COL7A1: variants seen among roughly 807,000 people sequenced by gnomAD.
COL7A1 encodes the protein collagen alpha-1(VII) chain.
Under a neutral mutation model 456.2 loss-of-function variants are expected in COL7A1, and 296 were observed. The observed-to-expected ratio is 0.65, with a 90% CI of 0.59 to 0.71. The LOEUF (loss-of-function observed/expected upper bound fraction) is 0.71, where lower values mean the gene tolerates loss of function less well. COL7A1 is among the 30% of genes least tolerant of loss of function. COL7A1 has a pLI of 0.00. For missense variants in COL7A1, 3,441 were observed against 4,017.2 expected (o/e 0.86, Z 3.88); for synonymous variants, 1,464 against 1,525.9 (o/e 0.96, Z 0.95).
chr3:48,568,587 G>A lies in COL7A1; in HGVS notation c.7759-53C>T. The A allele has an allele frequency of 6.3e-7, 1 of 1,576,512 alleles. No homozygotes were observed. The highest frequency in any genetic ancestry group is 8.7e-7 in the Non-Finnish European group (1 of 1,155,986). On this transcript the variant is annotated intron_variant, in intron 104 of 118. Coordinates refer to ENST00000681320, the MANE Select transcript of COL7A1 (RefSeq NM_000094.4). This position sits in a 1 kb window ranked among gnomAD's most constrained non-coding sequence, Gnocchi z 5.2. ...TTCAGTGGGACTGTCCCCAACACTGGCCCATCCGCTGCATGTGTGGCCACT... is the reference window on the plus strand; with the variant it reads ...TTCAGTGGGACTGTCCCCAACACTGACCCATCCGCTGCATGTGTGGCCACT...
In COL7A1 at chr3:48,591,709, G is replaced by A; in HGVS notation, c.1471C>T (p.His491Tyr). The change falls in exon 12 of 119, where the codon CAC becomes TAC. Residue 491 changes from histidine (H) to tyrosine (Y), a missense_variant. By Grantham distance (83) the His-to-Tyr change is moderately conservative. Transcript: ENST00000681320. This position sits in a 1 kb window ranked among gnomAD's most constrained non-coding sequence, Gnocchi z 7.0. ...RLTLYTLLEG[H>Y]EVATPATVVP... ...ACGGTTGCAGGGGTGGCCACCTCGT[G>A]GCCCTCCAGCAGAGTGTAGAGTGTG... 1.2e-6 allele frequency: 2 copies of A among 1,614,158 alleles called. No homozygotes were observed. The highest frequency in any genetic ancestry group is 8.5e-7 in the Non-Finnish European group (1 of 1,180,014).
chr3:48,591,350 A>AGGGAGGAGACTATAGGGACCCAGGTGT lies in COL7A1; in HGVS notation c.1636+87_1636+113dup. ...TTGGGAAGCAGATGGATAACGAGAC[A>AGGGAGGAGACTATAGGGACCCAGGTGT]GGGAGGAGACTATAGGGACCCAGGT... is the stretch of plus-strand genomic sequence containing the variant. On this transcript the variant is annotated intron_variant, in intron 13 of 118. Transcript: ENST00000681320. The surrounding 1 kb of genome is among the most constrained non-coding windows in gnomAD (Gnocchi z 7.0). 1 of 1,406,018 alleles carries AGGGAGGAGACTATAGGGACCCAGGTGT rather than the reference A, an allele frequency of 7.1e-7. No individual in the cohort carries two copies. The highest frequency in any genetic ancestry group is 1.3e-5 in the South Asian group (1 of 77,534). The allele number at this position is 1,406,018 out of a possible 1,614,324, so 87.1% of individuals were successfully genotyped here. A position where few individuals can be genotyped will look rare whatever the true frequency, so the allele number is the denominator to read the frequency against.
chr3:48,565,297 C>A lies in COL7A1; in HGVS notation c.8528-96G>T. 2.7e-6 allele frequency: 4 copies of A among 1,485,808 alleles called. No homozygotes were observed. The highest frequency in any genetic ancestry group is 1.9e-5 in the Admixed American group (1 of 52,840). The allele number at this position is 1,485,808 out of a possible 1,614,324, so 92.0% of individuals were successfully genotyped here. A position where few individuals can be genotyped will look rare whatever the true frequency, so the allele number is the denominator to read the frequency against. On this transcript the variant is annotated intron_variant, in intron 116 of 118. Coordinates refer to ENST00000681320, the MANE Select transcript of COL7A1 (RefSeq NM_000094.4). This position sits in a 1 kb window ranked among gnomAD's most constrained non-coding sequence, Gnocchi z 4.5. ...CCACTGTGTGCACACAGTGCCCATG[C>A]GTGTGCCCTGCATGCAGACCCTACG...
chr3:48,572,291 G>A lies in COL7A1; in HGVS notation c.6978+89C>T. 1 of 1,611,514 alleles carries A rather than the reference G, an allele frequency of 6.2e-7. No individual in the cohort carries two copies. The highest frequency in any genetic ancestry group is 8.5e-7 in the Non-Finnish European group (1 of 1,177,644). On this transcript the variant is annotated intron_variant, in intron 90 of 118. Coordinates refer to ENST00000681320, the MANE Select transcript of COL7A1 (RefSeq NM_000094.4). The surrounding 1 kb of genome is among the most constrained non-coding windows in gnomAD (Gnocchi z 4.6). ...ACTATGAAAGCTGAGGGTCATGAGG[G>A]TGGGTAAACTATGGGTCGAAGGTCA...
In COL7A1 at chr3:48,595,124, G is replaced by A. The variant is rs1401139509; in HGVS notation, c.36C>T (p.Ala12=). Residue 12 remains alanine, a synonymous_variant, in exon 2 of 119, where the codon GCC becomes GCT. Coordinates refer to ENST00000681320, the MANE Select transcript of COL7A1 (RefSeq NM_000094.4). The stretch of plus-strand genomic sequence containing the variant: ...CTCGGGGCGCCTCTGCCAGGATCCC[G>A]GCGCAGAGCGCGGCCACCAGAAGCC... ...TLRLLVAALC[A]GILAEAPRVR... 1 of 1,554,768 alleles carries A rather than the reference G, an allele frequency of 6.4e-7. No homozygotes were observed. Among genetic ancestry groups the A allele is most frequent in the South Asian group, 1.2e-5 (1 of 84,456 alleles).
rs752495777 is a variant in COL7A1 at position 48,583,730 on chromosome 3, C to A, written c.4329G>T (p.Lys1443Asn). 128 of 1,613,922 alleles carry A rather than the reference C, an allele frequency of 7.9e-5. No individual in the cohort carries two copies. Among genetic ancestry groups the A allele is most frequent in the Non-Finnish European group, 1.0e-4 (122 of 1,179,986 alleles). ...TCAGCCTTCCTACTTTTTCTCCTTTCTTTCCAGGGGGGCCAACGGGGCCTT... is the reference window on the plus strand; with the variant it reads ...TCAGCCTTCCTACTTTTTCTCCTTTATTTCCAGGGGGGCCAACGGGGCCTT... Reference protein sequence around the residue: ...GPQGPVGPPGKKGEKGDSEDG... With the variant: ...GPQGPVGPPGNKGEKGDSEDG... Residue 1443 changes from lysine (K) to asparagine (N), a missense_variant, in exon 40 of 119, where the codon AAG becomes AAT. This residue lies in a region of COL7A1 where 2,084 missense variants were observed against 2,501.3 expected (regional missense o/e 0.83). Coordinates refer to ENST00000681320, the MANE Select transcript of COL7A1 (RefSeq NM_000094.4). This position sits in a 1 kb window ranked among gnomAD's most constrained non-coding sequence, Gnocchi z 5.1.
At position 48,594,887 on chromosome 3, in the gene COL7A1, T is replaced by C. The variant is rs2045968053; in HGVS notation, c.85+188A>G. Among the ~76,000 whole-genome samples, 1 of 151,660 alleles carries C rather than the reference T, an allele frequency of 6.6e-6. No homozygotes were observed. The highest frequency in any genetic ancestry group is 1.5e-5 in the Non-Finnish European group (1 of 67,886). On this transcript the variant is annotated intron_variant, in intron 2 of 118. Transcript: ENST00000681320. This position sits in a 1 kb window ranked among gnomAD's most constrained non-coding sequence, Gnocchi z 5.5. ...AGCCAGAATTTGGGTAGGAACAGGATAGGAGGCGGTTTAGGGAACCCAGCA... is the reference window on the plus strand; with the variant it reads ...AGCCAGAATTTGGGTAGGAACAGGACAGGAGGCGGTTTAGGGAACCCAGCA...
chr3:48,564,858 T>G lies in COL7A1; in HGVS notation c.8743A>C (p.Asn2915His). ...TCACGGGTCCCAAAACGGTTGGCAT[T>G]CCCTCCACAGCCACCATAGACAAAA... ...HPFVYGGCGGNANRFGTREAC... is the reference protein window; with the variant it reads ...HPFVYGGCGGHANRFGTREAC... The change falls in exon 118 of 119, where the codon AAT becomes CAT. Residue 2915 changes from asparagine to histidine, a missense_variant. Asn to His is a moderately conservative substitution (Grantham distance 68, BLOSUM62 1). Transcript: ENST00000681320. This position sits in a 1 kb window ranked among gnomAD's most constrained non-coding sequence, Gnocchi z 6.0. 3 of 1,614,054 alleles carry G rather than the reference T, an allele frequency of 1.9e-6. No homozygotes were observed. Among genetic ancestry groups the G allele is most frequent in the Non-Finnish European group, 2.5e-6 (3 of 1,179,994 alleles).
intron 44 of COL7A1, 50 bp from the exon 45 acceptor site, chr3:48,582,703 A>G: frequency 1.9e-6 from 3 of 1,593,592 alleles, no homozygotes; most frequent in Non-Finnish European, 2.6e-6. Flanking sequence ...GACGGGGGAT[A>G]TGGACAGACA....
chr3:48,575,315 C>T lies in COL7A1; in HGVS notation c.6180+24G>A. 1 of 1,447,476 alleles carries T rather than the reference C, an allele frequency of 6.9e-7. No individual in the cohort carries two copies. The highest frequency in any genetic ancestry group is 9.4e-7 in the Non-Finnish European group (1 of 1,064,304). 89.7% of individuals were successfully genotyped at this position (1,447,476 alleles called of 1,614,324 possible). On this transcript the variant is annotated intron_variant, in intron 74 of 118. Transcript: ENST00000681320. The surrounding 1 kb of genome is among the most constrained non-coding windows in gnomAD (Gnocchi z 6.3). ...CCCTCCCAACCCCTCTTCCCTCACTCTCCTGGCCAGCCCCCAGCCTCACCC... is the reference window on the plus strand; with the variant it reads ...CCCTCCCAACCCCTCTTCCCTCACTTTCCTGGCCAGCCCCCAGCCTCACCC...
rs758240737 is a variant in COL7A1, at chr3:48,579,248, G to A, written c.5337C>T (p.Gly1779=). 1 of 1,613,906 alleles carries A rather than the reference G, an allele frequency of 6.2e-7. No homozygotes were observed. The highest frequency in any genetic ancestry group is 8.5e-7 in the Non-Finnish European group (1 of 1,180,024). Residue 1779 remains glycine (G), a synonymous_variant, in exon 62 of 119, where the codon GGC becomes GGT. Transcript: ENST00000681320. The surrounding 1 kb of genome is among the most constrained non-coding windows in gnomAD (Gnocchi z 4.4). ...CTGGTTTCCCATCCAGTCCGCTCCG[G>A]CCATCCAGCCCAGGGGGACCCCGGT... ...KGDRGPPGLD[G]RSGLDGKPGA... is the part of the protein sequence containing the mutation.
In COL7A1 at chr3:48,579,849, A is replaced by G. The variant is rs1432288710; in HGVS notation, c.5125-35T>C. 2 of 1,613,974 alleles carry G rather than the reference A, an allele frequency of 1.2e-6. No homozygotes were observed. Among genetic ancestry groups the G allele is most frequent in the African/African-American group, 2.7e-5 (2 of 74,902 alleles). ...GAATGACCAGTGAGAAGAATGGCTC[A>G]ACAAGGGGAAGAGGAGTTGGCGAGG... On this transcript the variant is annotated intron_variant, in intron 57 of 118. Transcript: ENST00000681320. This position sits in a 1 kb window ranked among gnomAD's most constrained non-coding sequence, Gnocchi z 4.4.
At position 48,570,417 on chromosome 3, in the gene COL7A1, G is replaced by T; in HGVS notation, c.7380+48C>A. The T allele has an allele frequency of 1.9e-6, 3 of 1,614,040 alleles. No individual in the cohort carries two copies. Among genetic ancestry groups the T allele is most frequent in the Non-Finnish European group, 2.5e-6 (3 of 1,179,940 alleles). ...CATGGGAGGTCAGTGGAGGCTGAAG[G>T]GGGTGACCAGGGCACAAGAGAGAGT... is the stretch of plus-strand genomic sequence containing the variant. On this transcript the variant is annotated intron_variant, in intron 97 of 118. Coordinates refer to ENST00000681320, the MANE Select transcript of COL7A1 (RefSeq NM_000094.4). This position sits in a 1 kb window ranked among gnomAD's most constrained non-coding sequence, Gnocchi z 5.5.
rs1456565283 is a variant in COL7A1 at position 48,588,295 on chromosome 3, G to T, written c.2697C>A (p.His899Gln). The T allele has an allele frequency of 6.2e-7, 1 of 1,612,896 alleles. No homozygotes were observed. The highest frequency in any genetic ancestry group is 8.5e-7 in the Non-Finnish European group (1 of 1,179,990). Residue 899 changes from histidine (H) to glutamine (Q), a missense_variant, in exon 21 of 119, where the codon CAC (histidine) becomes CAA (glutamine). By Grantham distance (24) the His-to-Gln change is conservative. Coordinates refer to ENST00000681320, the MANE Select transcript of COL7A1 (RefSeq NM_000094.4). This position sits in a 1 kb window ranked among gnomAD's most constrained non-coding sequence, Gnocchi z 4.6. ...GACACCTCTCACCCTCAGGTTGCCA[G>T]TGCAGAAGGAAGCCCTGCGCTCTGG... ...PVPRAQGFLL[H>Q]WQPEGGQEQS...
At position 48,593,841 on chromosome 3, in the gene COL7A1, T is replaced by TTGC; in HGVS notation, c.267-146_267-145insGCA. 1.0e-6 allele frequency: 1 copy of TTGC among 1,003,860 alleles called. No individual in the cohort carries two copies. The highest frequency in any genetic ancestry group is 1.5e-6 in the Non-Finnish European group (1 of 654,404). The allele number at this position is 1,003,860 out of a possible 1,614,324, so 62.2% of individuals were successfully genotyped here. A position where few individuals can be genotyped will look rare whatever the true frequency, so the allele number is the denominator to read the frequency against. On this transcript the variant is annotated intron_variant, in intron 3 of 118. Transcript: ENST00000681320. This position sits in a 1 kb window ranked among gnomAD's most constrained non-coding sequence, Gnocchi z 4.4. ...CTGTCATTCTCCACACCCACTTGCC[T>TTGC]CTGGAACCCCCAGGTTAACAAACTC...
chr3:48,573,140 G>A lies in COL7A1; in HGVS notation c.6714+34C>T, dbSNP rs142959516. 25 of 1,613,860 alleles carry A rather than the reference G, an allele frequency of 1.5e-5. No homozygotes were observed. Among genetic ancestry groups the A allele is most frequent in the East Asian group, 2.2e-5 (1 of 44,882 alleles). On this transcript the variant is annotated intron_variant, in intron 85 of 118. Transcript: ENST00000681320. This position sits in a 1 kb window ranked among gnomAD's most constrained non-coding sequence, Gnocchi z 5.5. ...CATGGGCCCCAAGGAGTGAAAACAC[G>A]GTGTCCCTACAGGGGCCACAGGGAC... is the stretch of plus-strand genomic sequence containing the variant.
intron 34 of COL7A1, 46 bp downstream of exon 34, chr3:48,584,864 A>T: frequency 6.2e-7 from 1 of 1,613,922 alleles, no homozygotes. Flanking sequence ...CCTGTGGAAG[A>T]ACCCTGGGAA....
In COL7A1 at chr3:48,576,532, G is replaced by A. The variant is rs201719223; in HGVS notation, c.5726C>T (p.Thr1909Met). 1.5e-4 allele frequency: 240 copies of A among 1,610,950 alleles called. No individual in the cohort carries two copies. The highest frequency in any genetic ancestry group is 1.8e-4 in the Non-Finnish European group (211 of 1,179,056). ...GQGFPGVPGGTGPKGDRGETG... is the reference protein window; with the variant it reads ...GQGFPGVPGGMGPKGDRGETG... Reference sequence around the variant, plus strand: ...AACATCCGCACTCACCTTGGGGCCCGTGCCTCCTGGGACACCAGGAAAACC... The same window carrying A: ...AACATCCGCACTCACCTTGGGGCCCATGCCTCCTGGGACACCAGGAAAACC... Residue 1909 changes from threonine to methionine, a missense_variant, in exon 69 of 119, where the codon ACG becomes ATG. By Grantham distance (81) the Thr-to-Met change is moderately conservative. Around this residue, in one of 3 missense-constraint regions of COL7A1, gnomAD observed 2,084 missense variants for 2,501.3 expected, o/e 0.83. Transcript: ENST00000681320.
Position 48,573,458 on chromosome 3 carries a change from G to C in COL7A1, c.6618+55C>G, listed in dbSNP as rs1441618358. ...CAGGAGGTTGGCGCACACTACCCCA[G>C]GCATGGACACAGCTTGAAGGAGCCT... On this transcript the variant is annotated intron_variant, in intron 83 of 118. Transcript: ENST00000681320. The surrounding 1 kb of genome is among the most constrained non-coding windows in gnomAD (Gnocchi z 5.5). 6.2e-6 allele frequency: 10 copies of C among 1,613,548 alleles called. No individual in the cohort carries two copies. In the East Asian group the frequency reaches 2.2e-4, roughly 36 times the overall value.
Sources: gnomAD v4.1 joint callset for allele counts (sites outside exome capture counted in the v4.1 genomes callset) on GRCh38, gnomAD v4.1.1 for gene constraint, gnomAD v4.1.1 regional missense constraint, Gnocchi (gnomAD v3.1) non-coding constraint, MANE v1.5 for transcripts, NCBI Gene and HGNC (gene_info 2026-07-23, HGNC 2026-07-21) for gene names.